The following TRPM6 variants were observed in gnomAD, a reference collection of about 807,000 sequenced individuals.
The protein encoded by TRPM6 is channel kinase 2.
In TRPM6, 111 loss-of-function variants were observed where a neutral mutation model predicts 247.6. The observed-to-expected ratio is 0.45, with a 90% confidence interval of 0.38 to 0.52. TRPM6 has a LOEUF of 0.52. Among genes scored for constraint, TRPM6 ranks in the 20% least tolerant of loss-of-function variants. TRPM6 has a pLI of 0.00. For synonymous variants in TRPM6, 892 were observed against 853.8 expected (o/e 1.04, Z -0.78); for missense variants, 2,126 against 2,421.5 (o/e 0.88, Z 2.56).
chr9:74,814,021 T>G (rs929323065), intron 11 of TRPM6, among the ~76,000 whole-genome samples: 7 of 152,154 alleles, frequency 4.6e-5, no homozygotes, highest in Non-Finnish European at 1.0e-4. Flanking sequence ...TGCTTGAATC[T>G]GAGAGGTGGA....
In TRPM6 at chr9:74,731,496, C is replaced by T. The variant is rs1193469816; in HGVS notation, c.5828+1189G>A. ...AGATGTGTATGTTCAATATGGATCA[C>T]CTTTATTTTCTCTAGTTCACCTAGT... On this transcript the variant is annotated intron_variant, in intron 37 of 38. Coordinates refer to ENST00000360774, the MANE Select transcript of TRPM6 (RefSeq NM_017662.5). Among the ~76,000 whole-genome samples the T allele has an allele frequency of 2.6e-5, 4 of 151,830 alleles. No homozygotes were observed. In the East Asian group the frequency reaches 5.8e-4, roughly 22 times the overall value.
chr9:74,814,959 A>AGTTATTTTTT (rs1256605758), intron 11 of TRPM6, among the ~76,000 whole-genome samples: 1 of 152,132 alleles, frequency 6.6e-6, no homozygotes, highest in Non-Finnish European at 1.5e-5. Flanking sequence ...AAAATAAATA[A>AGTTATTTTTT]ATTAGTTAAT....
At chr9:74,769,551 G>C (rs1478142358) in intron 25 of TRPM6, among the ~76,000 whole-genome samples, 2 of 152,016 alleles carry the variant, frequency 1.3e-5, no homozygotes, top group South Asian at 2.1e-4. Flanking sequence ...GAGGTCAGGA[G>C]ATCCAGAGCA....
chr9:74,740,067 T>G (rs1208257290), intron 33 of TRPM6, 58 bp from the exon 34 acceptor site: 1 of 1,565,580 alleles, frequency 6.4e-7, no homozygotes, highest in East Asian at 2.3e-5. Context: ...GTGACATGAA[T>G]AGTATCCTAA....
At chr9:74,726,799 C>T (rs1825343732) in intron 38 of TRPM6, among the ~76,000 whole-genome samples, 1 of 152,176 alleles carries the variant, frequency 6.6e-6, no homozygotes, top group Admixed American at 6.5e-5. Context: ...TGATCGTTGT[C>T]AGCTCCTGCC....
chr9:74,727,381 CAAAAAAAAAAA>C lies in TRPM6; in HGVS notation c.5935+847_5935+857del, dbSNP rs763828073. ...TGGGCGACAGAGTGAGACTCCGTCT[CAAAAAAAAAAA>C]AAAAAAAAAAAAGAAATCTCCTTCG... is the stretch of plus-strand genomic sequence containing the variant. On this transcript the variant is annotated intron_variant, in intron 38 of 38. Transcript: ENST00000360774. Among the ~76,000 whole-genome samples, 417 of 52,256 alleles carry C rather than the reference CAAAAAAAAAAA, an allele frequency of 8.0e-3. 3 individuals carry two copies. The highest frequency in any genetic ancestry group is 0.026 in the African/African-American group (374 of 14,126). The allele number at this position is 52,256 out of a possible 152,430, so 34.3% of individuals were successfully genotyped here.
At chr9:74,816,487 A>C (rs1474627343) in intron 11 of TRPM6, among the ~76,000 whole-genome samples, 182 bp downstream of exon 11, 1 of 151,348 alleles carries the variant, frequency 6.6e-6, no homozygotes, top group Non-Finnish European at 1.5e-5. Context: ...AAAAAAAAAA[A>C]AACAGATGGT....
chr9:74,841,801 A>G (rs1454240083), intron 4 of TRPM6, among the ~76,000 whole-genome samples: 2 of 152,230 alleles, frequency 1.3e-5, no homozygotes, highest in African/African-American at 4.8e-5. Flanking sequence ...CAACGTGCCC[A>G]GCCTGAACTT....
intron 1 of TRPM6, among the ~76,000 whole-genome samples, chr9:74,873,759 AC>A (rs1831101469): frequency 1.3e-5 from 2 of 152,054 alleles, no homozygotes; most frequent in Non-Finnish European, 2.9e-5. Flanking sequence ...AGAATTTTTA[AC>A]TTTTTAACAG....
intron 3 of TRPM6, among the ~76,000 whole-genome samples, chr9:74,852,417 G>GCTCCCT (rs1232605893): frequency 7.1e-6 from 1 of 141,802 alleles, no homozygotes; most frequent in East Asian, 2.0e-4. Flanking sequence ...TCCCGCTCCC[G>GCTCCCT]CTCCCTCTCC....
chr9:74,840,243 A>G lies in TRPM6; in HGVS notation c.331-6T>C. 1.3e-6 allele frequency: 2 copies of G among 1,584,632 alleles called. No individual in the cohort carries two copies. Among genetic ancestry groups the G allele is most frequent in the Non-Finnish European group, 1.7e-6 (2 of 1,153,420 alleles). ...TCATAAGAAGTTCTAATATACTGCA[A>G]GAAAAGCACATGTAGGTGAACAGAA... On this transcript the variant is annotated splice_region_variant and splice_polypyrimidine_tract_variant and intron_variant, in intron 4 of 38. Transcript: ENST00000360774.
chr9:74,746,166 G>C (rs1037882422), intron 31 of TRPM6, among the ~76,000 whole-genome samples: 2 of 151,758 alleles, frequency 1.3e-5, no homozygotes, highest in African/African-American at 4.8e-5. Flanking sequence ...ATGAACCCAG[G>C]AGGCAGAGCT....
chr9:74,728,673 G>A (rs1334135267), intron 37 of TRPM6, among the ~76,000 whole-genome samples: 3 of 152,212 alleles, frequency 2.0e-5, no homozygotes, highest in Non-Finnish European at 2.9e-5. Context: ...GGGTGAAAGA[G>A]TGACATTCAT....
At chr9:74,843,400 T>C (rs1830006745) in intron 3 of TRPM6, among the ~76,000 whole-genome samples, 1 of 152,208 alleles carries the variant, frequency 6.6e-6, no homozygotes, top group African/African-American at 2.4e-5. Flanking sequence ...ATGTTCTTAA[T>C]GGCATCTAGA....
chr9:74,788,629 A>T lies in TRPM6; in HGVS notation c.2652T>A (p.Ile884=). ...CATAACTCACCTCCCTGACCACCTC[A>T]ATAGCATTGGTGAAGATGTAAATGC... ...LVSIYIFTNA[I]EVVREICISE... The change falls in exon 20 of 39, where the codon ATT becomes ATA. Residue 884 remains isoleucine (I), a synonymous_variant. Coordinates refer to ENST00000360774, the MANE Select transcript of TRPM6 (RefSeq NM_017662.5). The T allele has an allele frequency of 6.2e-7, 1 of 1,613,948 alleles. No individual in the cohort carries two copies. Among genetic ancestry groups the T allele is most frequent in the Non-Finnish European group, 8.5e-7 (1 of 1,179,880 alleles).
At chr9:74,752,654 A>G (rs1826290585) in intron 28 of TRPM6, among the ~76,000 whole-genome samples, 1 of 152,224 alleles carries the variant, frequency 6.6e-6, no homozygotes, top group South Asian at 2.1e-4. Context: ...CTGTCCTCTT[A>G]TAGGACAACA....
intron 3 of TRPM6, among the ~76,000 whole-genome samples, chr9:74,851,674 G>C (rs932045903): frequency 6.6e-6 from 1 of 151,226 alleles, no homozygotes; most frequent in South Asian, 2.1e-4. Context: ...GCTTGAACCT[G>C]GGAGGTGGAG....
At chr9:74,828,767 T>C (rs1235886872) in intron 6 of TRPM6, among the ~76,000 whole-genome samples, 1 of 151,894 alleles carries the variant, frequency 6.6e-6, no homozygotes, top group East Asian at 1.9e-4. Flanking sequence ...TAGCTGGGTC[T>C]ACAGGCACAC....
chr9:74,772,229 G>A (rs1457343720), intron 24 of TRPM6, among the ~76,000 whole-genome samples: 5 of 152,128 alleles, frequency 3.3e-5, no homozygotes, highest in Admixed American at 6.5e-5. Context: ...CAGGAGCTGT[G>A]ATCACGCCAC....
Sources: allele counts gnomAD v4.1 joint callset (sites outside exome capture counted in the v4.1 genomes callset), GRCh38; gene constraint gnomAD v4.1.1; transcripts MANE v1.5; gene names NCBI Gene and HGNC (gene_info 2026-07-23, HGNC 2026-07-21).